Variants in TTF1 observed in about 807,000 individuals in gnomAD.
TTF1 encodes the protein transcription termination factor 1.
In TTF1, 64 loss-of-function variants were observed where a neutral mutation model predicts 80.2. That is an observed-to-expected ratio of 0.80 (90% CI 0.65 to 0.98). TTF1 has a LOEUF of 0.98. TTF1 is among the 50% of genes least tolerant of loss of function. TTF1 has a pLI of 0.00. For missense variants in TTF1, 1,023 were observed against 1,086.2 expected (o/e 0.94, Z 0.82); for synonymous variants, 372 against 382.7 (o/e 0.97, Z 0.33).
intron 5 of TTF1, among the ~76,000 whole-genome samples, chr9:132,393,922 C>CT (rs141333782): frequency 2.3e-3 from 329 of 145,602 alleles, no homozygotes; most frequent in African/African-American, 4.2e-3. Flanking sequence ...AATACAATTT[C>CT]TTTTTTTTTT....
At chr9:132,381,881 C>A (rs1849376877) in intron 9 of TTF1, among the ~76,000 whole-genome samples, 1 of 152,172 alleles carries the variant, frequency 6.6e-6, no homozygotes, top group Non-Finnish European at 1.5e-5. Flanking sequence ...AAAACAAAAT[C>A]TTTCCTAATG....
rs548985050 is a variant in TTF1, at chr9:132,389,182, C to CTT, written c.2223-956_2223-955dup. ...ACTTGAGGCTTATAACTCACTCTTCCTTTTTTTTTTTTTTTTTTGAGACGG... is the reference window on the plus strand; with the variant it reads ...ACTTGAGGCTTATAACTCACTCTTCCTTTTTTTTTTTTTTTTTTTTGAGACGG... On this transcript the variant is annotated intron_variant, in intron 7 of 10. Transcript: ENST00000334270. 8.1e-3 allele frequency among the ~76,000 whole-genome samples: 1,097 copies of CTT among 135,086 alleles called. 23 individuals carry two copies. Among genetic ancestry groups the CTT allele is most frequent in the African/African-American group, 0.029 (1,024 of 35,122 alleles). 88.6% of individuals were successfully genotyped at this position (135,086 alleles called of 152,430 possible). A position where few individuals can be genotyped will look rare whatever the true frequency, so the allele number is the denominator to read the frequency against.
chr9:132,401,348 T>A (rs1298235185), intron 2 of TTF1, 107 bp downstream of exon 2: 20 of 1,003,632 alleles, frequency 2.0e-5, no homozygotes, highest in East Asian at 7.0e-5. Flanking sequence ...AATAAATAAA[T>A]AAAAATAAAA....
In TTF1 at chr9:132,392,991, G is replaced by A. The variant is rs541259415; in HGVS notation, c.1857-785C>T. ...ACCCAGCATGTGTTTTACTCTGACA[G>A]CACATCTCAATGTGGACTAACTACA... On this transcript the variant is annotated intron_variant, in intron 5 of 10. Coordinates refer to ENST00000334270, the MANE Select transcript of TTF1 (RefSeq NM_007344.4). Among the ~76,000 whole-genome samples the A allele has an allele frequency of 2.6e-5, 4 of 152,298 alleles. No homozygotes were observed. The East Asian group carries it at 7.7e-4, about 29-fold the overall frequency.
At chr9:132,383,778 C>T (rs1016176922) in intron 9 of TTF1, among the ~76,000 whole-genome samples, 4 of 152,298 alleles carry the variant, frequency 2.6e-5, no homozygotes, top group African/African-American at 7.2e-5. Context: ...GGCGCTGGCA[C>T]ACCACCCTGC....
chr9:132,376,874 G>A (rs1589812676), intron 10 of TTF1, among the ~76,000 whole-genome samples: 1 of 151,788 alleles, frequency 6.6e-6, no homozygotes, highest in Non-Finnish European at 1.5e-5. Context: ...AGAGATAGGT[G>A]TGTGTGTGTG....
intron 5 of TTF1, among the ~76,000 whole-genome samples, chr9:132,395,153 T>C (rs746369889): frequency 4.0e-5 from 6 of 151,390 alleles, no homozygotes; most frequent in Non-Finnish European, 5.9e-5. Flanking sequence ...GATTGCGCCA[T>C]TGCACTCCAG....
chr9:132,379,122 G>A lies in TTF1; in HGVS notation c.2401C>T (p.Gln801Ter), dbSNP rs762009394. ...GCTTTCAGCCTAGAAAATTTAGTTTGAACGTAAGATGGAGGAACATCACTT... is the reference window on the plus strand; with the variant it reads ...GCTTTCAGCCTAGAAAATTTAGTTTAAACGTAAGATGGAGGAACATCACTT... Reference protein sequence around the residue: ...AIGDVPPSYVQTKFSRLKAVY... With the variant: ...AIGDVPPSYV The change falls in exon 10 of 11, where the codon CAA becomes TAA. Residue 801 changes from glutamine (Q) to a stop codon, truncating the protein, a stop_gained. Transcript: ENST00000334270. LOFTEE classifies it high-confidence loss of function. The A allele has an allele frequency of 6.2e-7, 1 of 1,607,938 alleles. No homozygotes were observed. Among genetic ancestry groups the A allele is most frequent in the Non-Finnish European group, 8.5e-7 (1 of 1,178,436 alleles).
intron 10 of TTF1, among the ~76,000 whole-genome samples, chr9:132,377,813 G>GTGCA (rs1849250280): frequency 7.2e-6 from 1 of 138,896 alleles, no homozygotes; most frequent in African/African-American, 2.8e-5. Context: ...TGTGGTGTGA[G>GTGCA]TGCATGTGGT....
chr9:132,399,582 A>C (rs1240381452), intron 3 of TTF1, among the ~76,000 whole-genome samples: 2 of 152,302 alleles, frequency 1.3e-5, no homozygotes, highest in East Asian at 3.9e-4. Context: ...ATTCTTAATA[A>C]GAGAGGTTCA....
At chr9:132,380,399 C>T (rs1298115114) in intron 9 of TTF1, among the ~76,000 whole-genome samples, 1 of 152,138 alleles carries the variant, frequency 6.6e-6, no homozygotes, top group Admixed American at 6.6e-5. Context: ...TTTAGCCTTC[C>T]TGACAGCCTA....
intron 8 of TTF1, 147 bp from the exon 9 acceptor site, chr9:132,386,768 A>T: frequency 3.1e-6 from 2 of 641,654 alleles, no homozygotes; most frequent in Non-Finnish European, 2.7e-6. Context: ...TGAGCTCAGC[A>T]TCCCAGCCCA....
At chr9:132,390,943 T>C in intron 6 of TTF1, 112 bp from the exon 7 acceptor site, 1 of 909,218 alleles carries the variant, frequency 1.1e-6, no homozygotes. Context: ...TGCATCTCAA[T>C]TATATAGACA....
At chr9:132,380,534 G>A (rs540723853) in intron 9 of TTF1, among the ~76,000 whole-genome samples, 3 of 152,302 alleles carry the variant, frequency 2.0e-5, no homozygotes, top group Admixed American at 2.0e-4. Context: ...CAGCTCTACG[G>A]CAGCCTGTGC....
In TTF1 at chr9:132,402,746, T is replaced by C; in HGVS notation, c.76A>G (p.Lys26Glu). Residue 26 changes from lysine (K) to glutamate (E), a missense_variant, in exon 2 of 11, where the codon AAG (lysine) becomes GAG (glutamate). Coordinates refer to ENST00000334270, the MANE Select transcript of TTF1 (RefSeq NM_007344.4). ...DKKKKKCSIH[K>E]ERPQKHSHEI... ...TGGGAATGTTTCTGAGGTCTTTCCT[T>C]ATGTATAGAACACTTTTTCTTTTTC... is the stretch of plus-strand genomic sequence containing the variant. 6.2e-7 allele frequency: 1 copy of C among 1,612,900 alleles called. No homozygotes were observed. Among genetic ancestry groups the C allele is most frequent in the Non-Finnish European group, 8.5e-7 (1 of 1,179,752 alleles).
At chr9:132,385,484 C>T (rs1371756249) in intron 9 of TTF1, among the ~76,000 whole-genome samples, 3 of 152,174 alleles carry the variant, frequency 2.0e-5, no homozygotes, top group Non-Finnish European at 4.4e-5. Flanking sequence ...CCATCGCTGC[C>T]GTCATTTTAC....
chr9:132,385,082 T>C (rs192040982), intron 9 of TTF1, among the ~76,000 whole-genome samples: 4 of 152,318 alleles, frequency 2.6e-5, no homozygotes, highest in African/African-American at 9.6e-5. Flanking sequence ...ATTTGAATTG[T>C]TACACACAAC....
chr9:132,378,016 TGTG>T (rs1482944248), intron 10 of TTF1, among the ~76,000 whole-genome samples: 13 of 128,692 alleles, frequency 1.0e-4, no homozygotes, highest in African/African-American at 3.6e-4. Flanking sequence ...TGTGAATGCA[TGTG>T]GTGTGAGTGC....
intron 5 of TTF1, among the ~76,000 whole-genome samples, chr9:132,394,539 C>T (rs1299293660): frequency 1.3e-5 from 2 of 152,124 alleles, no homozygotes; most frequent in African/African-American, 2.4e-5. Context: ...CTCAGCCTCT[C>T]AAAGTGCTGG....
Sources: allele counts gnomAD v4.1 joint callset (sites outside exome capture counted in the v4.1 genomes callset), GRCh38; gene constraint gnomAD v4.1.1; transcripts MANE v1.5; gene names NCBI Gene and HGNC (gene_info 2026-07-23, HGNC 2026-07-21).